Variants in COL25A1 observed in about 807,000 individuals in gnomAD.
COL25A1 encodes the protein collagen type XXV alpha 1 chain.
Under a neutral mutation model 128.4 loss-of-function variants are expected in COL25A1, and 103 were observed. That is an observed-to-expected ratio of 0.80 (90% CI 0.68 to 0.94). The LOEUF is 0.94. Ranked by LOEUF, COL25A1 falls within the 40% of genes least tolerant of loss-of-function variation. The pLI is 0.00. For missense variants in COL25A1, 745 were observed against 840.0 expected, an observed-to-expected ratio of 0.89 and a Z score of 1.40; for synonymous variants, 279 against 277.2, an observed-to-expected ratio of 1.01 and a Z score of -0.06.
chr4:109,267,823 C>A (rs186951980), intron 3 of COL25A1, among the ~76,000 whole-genome samples: 3 of 152,100 alleles, frequency 2.0e-5, no homozygotes, highest in African/African-American at 7.2e-5. Context: ...TACTTCAGGT[C>A]CCAAGCATCT....
chr4:108,885,316 G>A (rs1487979191), intron 18 of COL25A1, among the ~76,000 whole-genome samples: 1 of 151,986 alleles, frequency 6.6e-6, no homozygotes. Flanking sequence ...TTGTTCTGGT[G>A]TTATCACAAA....
intron 3 of COL25A1, among the ~76,000 whole-genome samples, chr4:109,242,222 G>A (rs562461452): frequency 2.5e-4 from 38 of 151,998 alleles, no homozygotes; most frequent in African/African-American, 8.2e-4. Flanking sequence ...CATTTCCCCC[G>A]CTTCACATCA....
intron 8 of COL25A1, among the ~76,000 whole-genome samples, chr4:108,951,134 A>G (rs1749370614): frequency 6.6e-6 from 1 of 152,176 alleles, no homozygotes. Context: ...CACACATTTT[A>G]GAGAAATGCC....
chr4:108,837,775 G>A (rs565171475), intron 31 of COL25A1, among the ~76,000 whole-genome samples: 150 of 152,296 alleles, frequency 9.8e-4, no homozygotes, highest in Non-Finnish European at 1.9e-4. Context: ...AAGTGTTTGG[G>A]AGAAACTATG....
At chr4:109,239,420 A>ATATATATT (rs1553965400) in intron 3 of COL25A1, among the ~76,000 whole-genome samples, 3 of 124,340 alleles carry the variant, frequency 2.4e-5, no homozygotes, top group East Asian at 2.2e-4. Context: ...ATATATATAT[A>ATATATATT]TATTTATTTA....
chr4:109,099,505 T>C (rs1176311817), intron 3 of COL25A1, among the ~76,000 whole-genome samples: 2 of 151,988 alleles, frequency 1.3e-5, no homozygotes, highest in Non-Finnish European at 2.9e-5. Flanking sequence ...TATTTATATG[T>C]TAACATCAAA....
intron 13 of COL25A1, among the ~76,000 whole-genome samples, chr4:108,905,116 G>A (rs1743320567): frequency 6.6e-6 from 1 of 152,118 alleles, no homozygotes. Flanking sequence ...AATCACGATA[G>A]TCTTCCTTTC....
At position 109,124,223 on chromosome 4, in the gene COL25A1, A is replaced by G. The variant is rs138827291; in HGVS notation, c.368-74044T>C. Among the ~76,000 whole-genome samples the G allele has an allele frequency of 7.5e-3, 1,145 of 152,098 alleles. 7 individuals carry two copies. Among genetic ancestry groups the G allele is most frequent in the African/African-American group, 0.026 (1,098 of 41,518 alleles). On this transcript the variant is annotated intron_variant, in intron 3 of 37. Coordinates refer to ENST00000399132, the MANE Select transcript of COL25A1 (RefSeq NM_198721.4). The stretch of plus-strand genomic sequence containing the variant: ...TATTTCTTTAATTTTATGCAGTAAG[A>G]TGGTTATTCAGCTTTCCTCTCCCAT...
chr4:109,228,989 A>G lies in COL25A1; in HGVS notation c.367+71594T>C, dbSNP rs539444390. 2.0e-5 allele frequency among the ~76,000 whole-genome samples: 3 copies of G among 152,366 alleles called. No individual in the cohort carries two copies. In the East Asian group the frequency reaches 5.8e-4, roughly 29 times the overall value. On this transcript the variant is annotated intron_variant, in intron 3 of 37. Coordinates refer to ENST00000399132, the MANE Select transcript of COL25A1 (RefSeq NM_198721.4). ...CTGACTGAAATGTTCATTTTTATAC[A>G]ATCATATGGTAACTTACAGTACAGA...
At position 109,107,889 on chromosome 4, in the gene COL25A1, G is replaced by A. The variant is rs180894396; in HGVS notation, c.368-57710C>T. Among the ~76,000 whole-genome samples the A allele has an allele frequency of 6.7e-4, 102 of 152,306 alleles. 1 individual carries two copies. Among genetic ancestry groups the A allele is most frequent in the African/African-American group, 2.3e-3 (97 of 41,574 alleles). The stretch of plus-strand genomic sequence containing the variant: ...ACAGCTTACCACTGAACAGAGGATG[G>A]GGTGAATGTGTAACAGCATTTTAAA... On this transcript the variant is annotated intron_variant, in intron 3 of 37. Transcript: ENST00000399132.
intron 8 of COL25A1, among the ~76,000 whole-genome samples, chr4:108,956,666 A>T (rs1285340487): frequency 6.6e-6 from 1 of 152,190 alleles, no homozygotes; most frequent in African/African-American, 2.4e-5. Flanking sequence ...TTGGCCTCCC[A>T]AAGTGCTGGG....
chr4:109,092,886 C>T (rs1290825993), intron 3 of COL25A1, among the ~76,000 whole-genome samples: 1 of 152,176 alleles, frequency 6.6e-6, no homozygotes, highest in East Asian at 1.9e-4. Context: ...GTGTGAACCT[C>T]AGTCTCCTTT....
intron 8 of COL25A1, among the ~76,000 whole-genome samples, chr4:108,942,802 C>T (rs1471558187): frequency 7.2e-6 from 1 of 139,284 alleles, no homozygotes; most frequent in African/African-American, 2.9e-5. Context: ...GTCACCCAGG[C>T]CGCAGTGCAG....
In COL25A1 at chr4:109,047,854, G is replaced by A. The variant is rs546816905; in HGVS notation, c.420+314C>T. On this transcript the variant is annotated intron_variant, in intron 5 of 37. Coordinates refer to ENST00000399132, the MANE Select transcript of COL25A1 (RefSeq NM_198721.4). ...TTCACGCCATTCTCCTGCCTCAGCC[G>A]CCCGAGTAGCTGGGACTACAGGCGC... 1.1e-4 allele frequency among the ~76,000 whole-genome samples: 16 copies of A among 149,078 alleles called. No individual in the cohort carries two copies. In the South Asian group the frequency reaches 1.5e-3, roughly 14 times the overall value.
At chr4:108,827,301 A>C in intron 32 of COL25A1, 113 bp from the exon 33 acceptor site, 1 of 936,848 alleles carries the variant, frequency 1.1e-6, no homozygotes, top group Non-Finnish European at 1.7e-6. Flanking sequence ...TGAAAATCTC[A>C]AAGATTTAGC....
chr4:109,102,551 A>T lies in COL25A1; in HGVS notation c.368-52372T>A, dbSNP rs3113703. 6.7e-4 allele frequency among the ~76,000 whole-genome samples: 102 copies of T among 152,198 alleles called. 1 individual carries two copies. Among genetic ancestry groups the T allele is most frequent in the African/African-American group, 2.3e-3 (97 of 41,562 alleles). On this transcript the variant is annotated intron_variant, in intron 3 of 37. Coordinates refer to ENST00000399132, the MANE Select transcript of COL25A1 (RefSeq NM_198721.4). ...TTTTCAGGTATTCTATTTCATTACT[A>T]ATTTTCTATTTATTTGTCCTATCAA...
intron 3 of COL25A1, among the ~76,000 whole-genome samples, chr4:109,174,540 A>T (rs571205747): frequency 6.6e-6 from 1 of 152,220 alleles, no homozygotes; most frequent in East Asian, 1.9e-4. Flanking sequence ...GCCTTTGCTC[A>T]TTGACATTGC....
chr4:109,248,520 C>T lies in COL25A1; in HGVS notation c.367+52063G>A, dbSNP rs138196705. Among the ~76,000 whole-genome samples the T allele has an allele frequency of 3.3e-5, 5 of 152,246 alleles. No individual in the cohort carries two copies. The East Asian group carries it at 9.7e-4, about 29-fold the overall frequency. On this transcript the variant is annotated intron_variant, in intron 3 of 37. Transcript: ENST00000399132. ...CATACTCTGCTTGCCTCCGCTGACA[C>T]AGCATTTCAGAAGTATCCCACACAA...
intron 3 of COL25A1, among the ~76,000 whole-genome samples, chr4:109,061,433 G>T (rs901074280): frequency 2.1e-4 from 32 of 152,164 alleles, no homozygotes; most frequent in African/African-American, 7.5e-4. Flanking sequence ...AATAGGAATA[G>T]ATTTCATACT....
Sources: allele counts gnomAD v4.1 joint callset (sites outside exome capture counted in the v4.1 genomes callset), GRCh38; gene constraint gnomAD v4.1.1; transcripts MANE v1.5; gene names NCBI Gene and HGNC (gene_info 2026-07-23, HGNC 2026-07-21).